The following KBTBD2 variants were observed in gnomAD, a reference collection of about 807,000 sequenced individuals.
KBTBD2 encodes kelch repeat and BTB domain-containing protein 2.
A neutral mutation model predicts 57.1 loss-of-function variants in KBTBD2; 17 were observed. That is an observed-to-expected ratio of 0.30 (90% CI 0.20 to 0.45). The LOEUF is 0.45. KBTBD2 is among the 20% of genes least tolerant of loss of function. The pLI, the probability that KBTBD2 is intolerant of heterozygous loss-of-function variation, is 1.00. For synonymous variants in KBTBD2, 267 were observed against 262.7 expected (o/e 1.02, Z -0.16); for missense variants, 515 against 750.6 (o/e 0.69, Z 3.67).
intron 1 of KBTBD2, among the ~76,000 whole-genome samples, chr7:32,886,899 T>G (rs1455074002): frequency 1.3e-5 from 2 of 151,916 alleles, no homozygotes; most frequent in Non-Finnish European, 2.9e-5. Flanking sequence ...AATGTTGAAA[T>G]TTTTAAAAAA....
chr7:32,879,045 T>A (rs954585272), intron 2 of KBTBD2, among the ~76,000 whole-genome samples: 14 of 152,162 alleles, frequency 9.2e-5, no homozygotes, highest in Admixed American at 6.5e-5. Flanking sequence ...ACAGCACCAA[T>A]TTTTACCCTC....
chr7:32,875,310 C>T (rs62467366), intron 2 of KBTBD2, among the ~76,000 whole-genome samples, 153 bp from the exon 3 acceptor site: 7,646 of 152,148 alleles, frequency 0.05, 270 homozygotes, highest in East Asian at 0.14. Flanking sequence ...CTTGCTCTGT[C>T]CCCCAGGCTG....
At position 32,868,273 on chromosome 7, in the gene KBTBD2, G is replaced by C. The variant is rs562776466; in HGVS notation, c.*1072C>G. The C allele has an allele frequency of 1.3e-5, 2 of 152,724 alleles. No individual in the cohort carries two copies. The highest frequency in any genetic ancestry group is 4.2e-4 in the South Asian group (2 of 4,818). 9.5% of individuals were successfully genotyped at this position (152,724 alleles called of 1,614,324 possible). On this transcript the variant is annotated 3_prime_UTR_variant, in exon 4 of 4. Coordinates refer to ENST00000304056, the MANE Select transcript of KBTBD2 (RefSeq NM_015483.3). ...TAGTAATGTTTGTCATGAAGCACCTGTGCTCATGTTAGATTGGCGGCGCCC... is the reference window on the plus strand; with the variant it reads ...TAGTAATGTTTGTCATGAAGCACCTCTGCTCATGTTAGATTGGCGGCGCCC...
intron 3 of KBTBD2, among the ~76,000 whole-genome samples, 196 bp from the exon 4 acceptor site, chr7:32,871,076 G>A (rs985026506): frequency 3.9e-5 from 6 of 151,988 alleles, no homozygotes; most frequent in Non-Finnish European, 4.4e-5. Flanking sequence ...ATTTTTTCCT[G>A]CTCAGTGGCC....
intron 1 of KBTBD2, among the ~76,000 whole-genome samples, chr7:32,882,875 C>A (rs1175074650): frequency 2.0e-5 from 3 of 152,050 alleles, no homozygotes; most frequent in African/African-American, 7.2e-5. Flanking sequence ...ATCCCAGCTA[C>A]CCAGGAAGCT....
intron 1 of KBTBD2, chr7:32,891,087 G>C (rs1300742516): frequency 6.6e-6 from 1 of 152,314 alleles, no homozygotes; most frequent in African/African-American, 2.4e-5. Context: ...ATGTACGCGG[G>C]GGGAATACAG....
chr7:32,874,616 A>G (rs1027227145), intron 3 of KBTBD2: 3 of 154,296 alleles, frequency 1.9e-5, no homozygotes, highest in East Asian at 3.8e-4. Context: ...CATAAATAAA[A>G]AATGTTTAAC....
intron 1 of KBTBD2, among the ~76,000 whole-genome samples, chr7:32,884,005 C>A (rs1408133328): frequency 6.6e-6 from 1 of 152,142 alleles, no homozygotes; most frequent in African/African-American, 2.4e-5. Flanking sequence ...CTATCTTAAT[C>A]TTTTTCTTTC....
At chr7:32,877,120 G>A (rs1403263849) in intron 2 of KBTBD2, among the ~76,000 whole-genome samples, 4 of 152,088 alleles carry the variant, frequency 2.6e-5, no homozygotes, top group African/African-American at 9.7e-5. Flanking sequence ...CCAGGTTCAA[G>A]CGATTCTCCT....
At chr7:32,891,294 G>A (rs1226288392) in intron 1 of KBTBD2, 2 of 148,596 alleles carry the variant, frequency 1.3e-5, no homozygotes, top group Non-Finnish European at 3.0e-5. Context: ...CCTTCCCCGC[G>A]GACCTGCCCG....
In KBTBD2 at chr7:32,870,451, A is replaced by C; in HGVS notation, c.766T>G (p.Phe256Val). ...VQGLYKSMPKFFKPRLGMTKE... is the reference protein window; with the variant it reads ...VQGLYKSMPKVFKPRLGMTKE... ...GTCATCCCAAGTCTTGGTTTGAAAA[A>C]CTTGGGCATGGACTTATACAGACCT... The change falls in exon 4 of 4, where the codon TTT (phenylalanine) becomes GTT (valine). Residue 256 changes from phenylalanine (F) to valine (V), a missense_variant. Coordinates refer to ENST00000304056, the MANE Select transcript of KBTBD2 (RefSeq NM_015483.3). The C allele has an allele frequency of 1.9e-6, 3 of 1,613,740 alleles. No individual in the cohort carries two copies. Among genetic ancestry groups the C allele is most frequent in the Non-Finnish European group, 2.5e-6 (3 of 1,179,842 alleles).
At chr7:32,875,803 T>C (rs1300519063) in intron 2 of KBTBD2, among the ~76,000 whole-genome samples, 4 of 151,982 alleles carry the variant, frequency 2.6e-5, no homozygotes, top group African/African-American at 2.4e-5. Context: ...AAAAACCACA[T>C]AGTATATGAG....
chr7:32,889,176 G>C (rs886428902), intron 1 of KBTBD2, among the ~76,000 whole-genome samples: 1 of 151,904 alleles, frequency 6.6e-6, no homozygotes, highest in African/African-American at 2.4e-5. Context: ...GCCCAGCGTG[G>C]GCTACTCAGG....
chr7:32,875,949 G>A (rs1209319222), intron 2 of KBTBD2, among the ~76,000 whole-genome samples: 1 of 152,066 alleles, frequency 6.6e-6, no homozygotes, highest in Non-Finnish European at 1.5e-5. Flanking sequence ...TTTAGATTGT[G>A]GAAATGGTTG....
Position 32,875,115 on chromosome 7 carries a change from A to G in KBTBD2, c.213T>C (p.His71=). Residue 71 remains histidine (H), a synonymous_variant, in exon 3 of 4, where the codon CAT becomes CAC. Coordinates refer to ENST00000304056, the MANE Select transcript of KBTBD2 (RefSeq NM_015483.3). Reference sequence around the variant, plus strand: ...CAGCATCGACATTCCTCAGGTGTACATGGGTTTGTTTGCTTTCACTTAGTC... The same window carrying G: ...CAGCATCGACATTCCTCAGGTGTACGTGGGTTTGTTTGCTTTCACTTAGTC... ...MSGLSESKQT[H]VHLRNVDAAT... 6.2e-7 allele frequency: 1 copy of G among 1,614,208 alleles called. No homozygotes were observed. Among genetic ancestry groups the G allele is most frequent in the Non-Finnish European group, 8.5e-7 (1 of 1,180,024 alleles).
chr7:32,870,320 A>G lies in KBTBD2; in HGVS notation c.897T>C (p.Cys299=). The G allele has an allele frequency of 6.2e-7, 1 of 1,614,064 alleles. No homozygotes were observed. Among genetic ancestry groups the G allele is most frequent in the Non-Finnish European group, 8.5e-7 (1 of 1,179,984 alleles). The part of the protein sequence containing the change: ...SPQAEKVYKL[C]SPPADLHKVG... ...CCTTATGCAAATCAGCTGGTGGGCT[A>G]CATAACTTGTAAACTTTTTCTGCTT... Residue 299 remains cysteine (C), a synonymous_variant, in exon 4 of 4, where the codon TGT becomes TGC. Coordinates refer to ENST00000304056, the MANE Select transcript of KBTBD2 (RefSeq NM_015483.3).
Position 32,884,682 on chromosome 7 carries a change from C to T in KBTBD2, c.-338-4740G>A, listed in dbSNP as rs185538426. On this transcript the variant is annotated intron_variant, in intron 1 of 3. Coordinates refer to ENST00000304056, the MANE Select transcript of KBTBD2 (RefSeq NM_015483.3). ...TCCAGCCTGGGCAACAAGAGAGAGA[C>T]TCAGTCTCAAAAAAATAAAAATAAA... 1.5e-3 allele frequency among the ~76,000 whole-genome samples: 222 copies of T among 151,990 alleles called. 1 individual carries two copies. The highest frequency in any genetic ancestry group is 5.2e-3 in the African/African-American group (215 of 41,436).
Position 32,879,727 on chromosome 7 carries a change from C to A in KBTBD2, c.-123G>T. 1.4e-6 allele frequency: 1 copy of A among 704,292 alleles called. No homozygotes were observed. Among genetic ancestry groups the A allele is most frequent in the Non-Finnish European group, 2.4e-6 (1 of 413,402 alleles). The allele number at this position is 704,292 out of a possible 1,614,324, so 43.6% of individuals were successfully genotyped here. A position where few individuals can be genotyped will look rare whatever the true frequency, so the allele number is the denominator to read the frequency against. ...TGCTGTTATCTGCAGCATTCAGTACCAAGACTGACACATTCACTAATGAGT... is the reference window on the plus strand; with the variant it reads ...TGCTGTTATCTGCAGCATTCAGTACAAAGACTGACACATTCACTAATGAGT... On this transcript the variant is annotated 5_prime_UTR_variant, in exon 2 of 4. Transcript: ENST00000304056.
intron 3 of KBTBD2, among the ~76,000 whole-genome samples, chr7:32,873,564 C>G (rs1362767628): frequency 6.6e-6 from 1 of 151,882 alleles, no homozygotes; most frequent in Non-Finnish European, 1.5e-5. Flanking sequence ...TGAAACCCCA[C>G]CTCAACTAAA....
Sources: gnomAD v4.1 joint callset for allele counts (sites outside exome capture counted in the v4.1 genomes callset) on GRCh38, gnomAD v4.1.1 for gene constraint, MANE v1.5 for transcripts, NCBI Gene and HGNC (gene_info 2026-07-23, HGNC 2026-07-21) for gene names.